Variants in MAGI2 observed in about 807,000 individuals in gnomAD.
MAGI2 encodes membrane-associated guanylate kinase, WW and PDZ domain-containing protein 2.
A neutral mutation model predicts 133.3 loss-of-function variants in MAGI2; 35 were observed. The ratio of observed to expected loss-of-function variants is 0.26; its 90% CI spans 0.20 to 0.35. The LOEUF (loss-of-function observed/expected upper bound fraction) is 0.35. Among genes scored for constraint, MAGI2 ranks in the 10% least tolerant of loss-of-function variants. The pLI is 1.00. For missense variants in MAGI2, 1,636 were observed against 1,863.4 expected (o/e 0.88, Z 2.25); for synonymous variants, 729 against 710.6 (o/e 1.03, Z -0.41).
In MAGI2 at chr7:78,018,635, C is replaced by G. The variant is rs1187385282; in HGVS notation, c.*680G>C. The G allele has an allele frequency of 1.3e-5, 2 of 152,278 alleles. No homozygotes were observed. Among genetic ancestry groups the G allele is most frequent in the Non-Finnish European group, 1.5e-5 (1 of 68,050 alleles). The allele number at this position is 152,278 out of a possible 1,614,324, so 9.4% of individuals were successfully genotyped here. On this transcript the variant is annotated 3_prime_UTR_variant, in exon 22 of 22. Coordinates refer to ENST00000354212, the MANE Select transcript of MAGI2 (RefSeq NM_012301.4). ...AAAATGTACAGAAATATGATTTGAT[C>G]ACAGAAAGGGCAATAAAAATGGCAT...
intron 14 of MAGI2, among the ~76,000 whole-genome samples, chr7:78,177,461 T>G (rs572688394): frequency 6.6e-6 from 1 of 150,512 alleles, no homozygotes; most frequent in South Asian, 2.1e-4. Context: ...CACACACACA[T>G]ACACACACAC....
intron 1 of MAGI2, among the ~76,000 whole-genome samples, chr7:79,232,272 T>C: frequency 6.7e-6 from 1 of 149,902 alleles, no homozygotes; most frequent in Non-Finnish European, 1.5e-5. Context: ...GTTGTGTCTC[T>C]GCCAGGCTTT....
chr7:78,818,563 G>A (rs932159998), intron 2 of MAGI2, among the ~76,000 whole-genome samples: 1 of 151,980 alleles, frequency 6.6e-6, no homozygotes, highest in East Asian at 1.9e-4. Flanking sequence ...CAACCTTAAT[G>A]CTATTTTCCT....
intron 9 of MAGI2, among the ~76,000 whole-genome samples, chr7:78,296,925 G>C (rs552451297): frequency 2.6e-5 from 4 of 152,230 alleles, no homozygotes; most frequent in Non-Finnish European, 5.9e-5. Flanking sequence ...TTTTTACACA[G>C]GGCAGTTGAG....
intron 2 of MAGI2, among the ~76,000 whole-genome samples, chr7:78,999,788 A>T (rs1806673434): frequency 6.6e-6 from 1 of 152,148 alleles, no homozygotes; most frequent in African/African-American, 2.4e-5. Flanking sequence ...TTGTTTACAG[A>T]CTTCCTTTCT....
At chr7:78,866,727 C>A (rs1794588782) in intron 2 of MAGI2, among the ~76,000 whole-genome samples, 1 of 152,020 alleles carries the variant, frequency 6.6e-6, no homozygotes, top group Admixed American at 6.6e-5. Flanking sequence ...TTACAGGAAC[C>A]AGATCTCCTG....
chr7:78,665,024 C>A (rs576888313), intron 2 of MAGI2, among the ~76,000 whole-genome samples: 2 of 152,124 alleles, frequency 1.3e-5, no homozygotes, highest in African/African-American at 4.8e-5. Context: ...TTGGTCACTG[C>A]ATTTTACTAA....
At chr7:79,444,771 C>T (rs1481688702) in intron 1 of MAGI2, among the ~76,000 whole-genome samples, 2 of 152,070 alleles carry the variant, frequency 1.3e-5, no homozygotes, top group East Asian at 1.9e-4. Flanking sequence ...GCTATCCCCA[C>T]CAAGCTACCA....
At chr7:78,317,794 C>T (rs1462616059) in intron 9 of MAGI2, among the ~76,000 whole-genome samples, 1 of 152,158 alleles carries the variant, frequency 6.6e-6, no homozygotes, top group East Asian at 1.9e-4. Flanking sequence ...GAGGAAGGAA[C>T]AGGCAGCAAT....
chr7:78,512,187 T>C (rs1334225167), intron 4 of MAGI2, among the ~76,000 whole-genome samples: 1 of 150,326 alleles, frequency 6.7e-6, no homozygotes, highest in African/African-American at 2.4e-5. Context: ...CTTTAAACAG[T>C]GTGGCAAATA....
intron 3 of MAGI2, among the ~76,000 whole-genome samples, chr7:78,605,558 G>A (rs888410492): frequency 6.6e-6 from 1 of 152,104 alleles, no homozygotes; most frequent in African/African-American, 2.4e-5. Flanking sequence ...GTCCAGTAGA[G>A]TGACAAAAAA....
intron 9 of MAGI2, among the ~76,000 whole-genome samples, chr7:78,290,050 C>T (rs142117936): frequency 5.6e-4 from 86 of 152,266 alleles, no homozygotes; most frequent in African/African-American, 1.7e-3. Flanking sequence ...CATCAACAAA[C>T]GGGCAAAATA....
intron 6 of MAGI2, among the ~76,000 whole-genome samples, chr7:78,419,033 C>T (rs1350456142): frequency 1.3e-5 from 2 of 152,144 alleles, no homozygotes; most frequent in East Asian, 3.9e-4. Context: ...GACAGTTAGG[C>T]TATACATAAA....
At chr7:78,643,012 C>A (rs1369404177) in intron 2 of MAGI2, among the ~76,000 whole-genome samples, 1 of 152,142 alleles carries the variant, frequency 6.6e-6, no homozygotes, top group African/African-American at 2.4e-5. Context: ...GATAGAATCT[C>A]TGCCAGGAAA....
intron 2 of MAGI2, among the ~76,000 whole-genome samples, chr7:78,836,317 A>G (rs921450814): frequency 6.6e-6 from 1 of 152,204 alleles, no homozygotes; most frequent in African/African-American, 2.4e-5. Context: ...TTAAACTCTT[A>G]GTCCAATGTT....
chr7:78,175,299 C>T (rs1007900158), intron 14 of MAGI2, among the ~76,000 whole-genome samples: 1 of 152,078 alleles, frequency 6.6e-6, no homozygotes, highest in Admixed American at 6.6e-5. Context: ...TGTTCCAGTC[C>T]CCCCTAGAAA....
chr7:78,979,168 C>T (rs898163240), intron 2 of MAGI2, among the ~76,000 whole-genome samples: 3 of 151,704 alleles, frequency 2.0e-5, no homozygotes. Flanking sequence ...ATGTAACAGG[C>T]TTAGAGGAAA....
At chr7:78,434,272 C>A (rs1800069581) in intron 6 of MAGI2, among the ~76,000 whole-genome samples, 1 of 151,980 alleles carries the variant, frequency 6.6e-6, no homozygotes, top group African/African-American at 2.4e-5. Flanking sequence ...GAGAGGAGAA[C>A]CTGGAAAATT....
At chr7:78,702,459 T>C (rs1818179311) in intron 2 of MAGI2, among the ~76,000 whole-genome samples, 1 of 152,000 alleles carries the variant, frequency 6.6e-6, no homozygotes. Flanking sequence ...TAGAATAATG[T>C]CTCATGTTAC....
Sources: gnomAD v4.1 joint callset for allele counts (sites outside exome capture counted in the v4.1 genomes callset) on GRCh38, gnomAD v4.1.1 for gene constraint, MANE v1.5 for transcripts, NCBI Gene and HGNC (gene_info 2026-07-23, HGNC 2026-07-21) for gene names.